Variants in KCNQ1OT1 observed in about 807,000 individuals in gnomAD.
KCNQ1OT1 encodes KCNQ1 opposite strand/antisense transcript 1.
chr11:2,644,860 G>T (rs1302384170), exon 1 of KCNQ1OT1: 6 of 398,656 alleles, frequency 1.5e-5, no homozygotes, highest in Non-Finnish European at 2.7e-5. Flanking sequence ...TTAGGATGCA[G>T]TTGTTGGTGG....
exon 1 of KCNQ1OT1, chr11:2,618,025 GT>G: frequency 2.5e-6 from 1 of 398,520 alleles, no homozygotes; most frequent in East Asian, 3.6e-5. Flanking sequence ...CTGTGCAGAA[GT>G]TTTTTAGTTT....
exon 1 of KCNQ1OT1, chr11:2,610,505 A>G: frequency 2.5e-6 from 1 of 398,382 alleles, no homozygotes; most frequent in Non-Finnish European, 4.4e-6. Context: ...CTTACTCTAG[A>G]ACAGCTTTGC....
rs1849087506 is a variant in KCNQ1OT1 at position 2,617,553 on chromosome 11, A to G, written n.82442T>C. On this transcript the variant is annotated non_coding_transcript_exon_variant, in exon 1 of 1. Coordinates refer to ENST00000597346, the Ensembl canonical transcript of KCNQ1OT1. This position sits in a 1 kb window ranked among gnomAD's most constrained non-coding sequence, Gnocchi z 4.6. Reference sequence around the variant, plus strand: ...GCGCAGATATCTTTATGAGGTGGAGATTTCATTTTCTTTGGGAATATACCT... The same window carrying G: ...GCGCAGATATCTTTATGAGGTGGAGGTTTCATTTTCTTTGGGAATATACCT... 2.5e-6 allele frequency: 1 copy of G among 398,244 alleles called. No homozygotes were observed. The highest frequency in any genetic ancestry group is 3.6e-5 in the East Asian group (1 of 28,058). 24.7% of individuals were successfully genotyped at this position (398,244 alleles called of 1,614,324 possible). A position where few individuals can be genotyped will look rare whatever the true frequency, so the allele number is the denominator to read the frequency against.
exon 1 of KCNQ1OT1, chr11:2,656,119 C>A: frequency 2.5e-6 from 1 of 398,666 alleles, no homozygotes; most frequent in Non-Finnish European, 4.4e-6. Context: ...TACGTTCTAG[C>A]CTGTGCTCCA....
exon 1 of KCNQ1OT1, chr11:2,628,717 A>G (rs1849301835): frequency 5.0e-6 from 2 of 398,440 alleles, no homozygotes; most frequent in Non-Finnish European, 4.4e-6. Flanking sequence ...ACAAAAACCA[A>G]TGGCAAGGAG....
exon 1 of KCNQ1OT1, chr11:2,625,969 A>G (rs1047252685): frequency 7.5e-5 from 30 of 398,168 alleles, no homozygotes; most frequent in African/African-American, 2.9e-4. Flanking sequence ...TGATTTGCAA[A>G]TTTTTCTCCC....
exon 1 of KCNQ1OT1, chr11:2,667,921 T>C (rs149323226): frequency 0.012 from 4,942 of 398,662 alleles, 81 homozygotes; most frequent in Middle Eastern, 0.064. Context: ...CTGGGACCCA[T>C]GTGTGCAGCA....
At position 2,676,181 on chromosome 11, in the gene KCNQ1OT1, C is replaced by T; in HGVS notation, n.23814G>A. The T allele has an allele frequency of 7.5e-6, 3 of 398,622 alleles. No individual in the cohort carries two copies. In the Admixed American group the frequency reaches 1.3e-4, roughly 18 times the overall value. The allele number at this position is 398,622 out of a possible 1,614,324, so 24.7% of individuals were successfully genotyped here. ...TTCTACACTTTGCCTTTGACTTCTT[C>T]CATAGGTATGCCATACTTCTTTTTG... On this transcript the variant is annotated non_coding_transcript_exon_variant, in exon 1 of 1. Transcript: ENST00000597346. The surrounding 1 kb of genome is among the most constrained non-coding windows in gnomAD (Gnocchi z 4.2).
Position 2,695,846 on chromosome 11 carries a change from G to C in KCNQ1OT1, n.4149C>G. ...ATTTCTCTGATAACTGATTAGCTTGGGCAAATTTTCATCTGTTTGTTAACC... is the reference window on the plus strand; with the variant it reads ...ATTTCTCTGATAACTGATTAGCTTGCGCAAATTTTCATCTGTTTGTTAACC... On this transcript the variant is annotated non_coding_transcript_exon_variant, in exon 1 of 1. Transcript: ENST00000597346. This position sits in a 1 kb window ranked among gnomAD's most constrained non-coding sequence, Gnocchi z 5.2. 2.5e-6 allele frequency: 1 copy of C among 398,486 alleles called. No homozygotes were observed. The highest frequency in any genetic ancestry group is 4.4e-6 in the Non-Finnish European group (1 of 226,026). 24.7% of individuals were successfully genotyped at this position (398,486 alleles called of 1,614,324 possible).
chr11:2,620,922 T>G lies in KCNQ1OT1; in HGVS notation n.79073A>C. ...GATGGCATCCCATTATGGTTTGGTG[T>G]TTTTTTGTTGTTGTTGTTTTGTTTT... On this transcript the variant is annotated non_coding_transcript_exon_variant, in exon 1 of 1. Coordinates refer to ENST00000597346, the Ensembl canonical transcript of KCNQ1OT1. This position sits in a 1 kb window ranked among gnomAD's most constrained non-coding sequence, Gnocchi z 4.5. 2.6e-6 allele frequency: 1 copy of G among 386,700 alleles called. No homozygotes were observed. The highest frequency in any genetic ancestry group is 3.7e-5 in the East Asian group (1 of 27,212). 24.0% of individuals were successfully genotyped at this position (386,700 alleles called of 1,614,324 possible).
Position 2,682,807 on chromosome 11 carries a change from C to A in KCNQ1OT1, n.17188G>T, listed in dbSNP as rs1453929934. 3 of 398,490 alleles carry A rather than the reference C, an allele frequency of 7.5e-6. No homozygotes were observed. In the East Asian group the frequency reaches 1.1e-4, roughly 14 times the overall value. 24.7% of individuals were successfully genotyped at this position (398,490 alleles called of 1,614,324 possible). The stretch of plus-strand genomic sequence containing the variant: ...GGGCACCATGAAATGCAGTGACTTG[C>A]AGTGATCCTCCTGGGGCCTTGTATA... On this transcript the variant is annotated non_coding_transcript_exon_variant, in exon 1 of 1. Coordinates refer to ENST00000597346, the Ensembl canonical transcript of KCNQ1OT1. The surrounding 1 kb of genome is among the most constrained non-coding windows in gnomAD (Gnocchi z 5.8).
At position 2,645,635 on chromosome 11, in the gene KCNQ1OT1, T is replaced by C. The variant is rs1399370799; in HGVS notation, n.54360A>G. On this transcript the variant is annotated non_coding_transcript_exon_variant, in exon 1 of 1. Coordinates refer to ENST00000597346, the Ensembl canonical transcript of KCNQ1OT1. The surrounding 1 kb of genome is among the most constrained non-coding windows in gnomAD (Gnocchi z 5.8). ...CTATGGGCAGGGTCACCTTTCCTCA[T>C]GGCAGCCTTGCTTCGGAGGTAGCAG... 7.5e-6 allele frequency: 3 copies of C among 398,676 alleles called. No individual in the cohort carries two copies. 24.7% of individuals were successfully genotyped at this position (398,676 alleles called of 1,614,324 possible).
rs1849000672 is a variant in KCNQ1OT1 at position 2,612,717 on chromosome 11, T to C, written n.87278A>G. The stretch of plus-strand genomic sequence containing the variant: ...TAATACTTACTTTGAAATCGCGCCC[T>C]AACATTTGGGGCCCTTCAGAGATAA... On this transcript the variant is annotated non_coding_transcript_exon_variant, in exon 1 of 1. Coordinates refer to ENST00000597346, the Ensembl canonical transcript of KCNQ1OT1. The surrounding 1 kb of genome is among the most constrained non-coding windows in gnomAD (Gnocchi z 5.5). 1 of 398,606 alleles carries C rather than the reference T, an allele frequency of 2.5e-6. No homozygotes were observed. The highest frequency in any genetic ancestry group is 3.6e-5 in the East Asian group (1 of 28,060). 24.7% of individuals were successfully genotyped at this position (398,606 alleles called of 1,614,324 possible).
exon 1 of KCNQ1OT1, chr11:2,644,992 C>G: frequency 2.5e-6 from 1 of 398,630 alleles, no homozygotes; most frequent in Non-Finnish European, 4.4e-6. Context: ...TATGCTGGTA[C>G]CAGTGTTAGC....
In KCNQ1OT1 at chr11:2,617,907, T is replaced by C. The variant is rs1849094289; in HGVS notation, n.82088A>G. ...TCTATTTTCTTGTTATTGAGTTGTA[T>C]GCATTCCTTATAAATTTTGGATATT... On this transcript the variant is annotated non_coding_transcript_exon_variant, in exon 1 of 1. Transcript: ENST00000597346. The surrounding 1 kb of genome is among the most constrained non-coding windows in gnomAD (Gnocchi z 4.6). The C allele has an allele frequency of 2.5e-6, 1 of 398,610 alleles. No individual in the cohort carries two copies. The highest frequency in any genetic ancestry group is 4.4e-6 in the Non-Finnish European group (1 of 226,038). The allele number at this position is 398,610 out of a possible 1,614,324, so 24.7% of individuals were successfully genotyped here.
chr11:2,653,459 C>T lies in KCNQ1OT1; in HGVS notation n.46536G>A, dbSNP rs1849789093. On this transcript the variant is annotated non_coding_transcript_exon_variant, in exon 1 of 1. Transcript: ENST00000597346. This position sits in a 1 kb window ranked among gnomAD's most constrained non-coding sequence, Gnocchi z 5.3. The stretch of plus-strand genomic sequence containing the variant: ...CAAAAGGGACATTTTTTGGCTCACA[C>T]AGCTGGACCCAGCTGTTTCAGACAC... 1 of 397,660 alleles carries T rather than the reference C, an allele frequency of 2.5e-6. No individual in the cohort carries two copies. The highest frequency in any genetic ancestry group is 4.4e-6 in the Non-Finnish European group (1 of 225,944). The allele number at this position is 397,660 out of a possible 1,614,324, so 24.6% of individuals were successfully genotyped here.
rs2133866775 is a variant in KCNQ1OT1, at chr11:2,669,717, A to C, written n.30278T>G. ...TGTTAGGCATCCAGCCACATACCTG[A>C]CTCGGGGAAATGCCTGAAAATATTA... On this transcript the variant is annotated non_coding_transcript_exon_variant, in exon 1 of 1. Coordinates refer to ENST00000597346, the Ensembl canonical transcript of KCNQ1OT1. The surrounding 1 kb of genome is among the most constrained non-coding windows in gnomAD (Gnocchi z 5.6). 1 of 398,558 alleles carries C rather than the reference A, an allele frequency of 2.5e-6. No homozygotes were observed. Among genetic ancestry groups the C allele is most frequent in the Middle Eastern group, 6.3e-4 (1 of 1,590 alleles). The allele number at this position is 398,558 out of a possible 1,614,324, so 24.7% of individuals were successfully genotyped here. A position where few individuals can be genotyped will look rare whatever the true frequency, so the allele number is the denominator to read the frequency against.
Position 2,681,729 on chromosome 11 carries a change from TGGGCACTGATCACACACCA to T in KCNQ1OT1, n.18247_18265del, listed in dbSNP as rs946153895. On this transcript the variant is annotated non_coding_transcript_exon_variant, in exon 1 of 1. Transcript: ENST00000597346. ...GTGTCTGTTCCTCTATTCAGTATTGTGGGCACTGATCACACACCAGGGCACTGTGGGGGCCCTGGGACCT... is the reference window on the plus strand; with the variant it reads ...GTGTCTGTTCCTCTATTCAGTATTGTGGGCACTGTGGGGGCCCTGGGACCT... 4 of 398,182 alleles carry T rather than the reference TGGGCACTGATCACACACCA, an allele frequency of 1.0e-5. No homozygotes were observed. The Admixed American group carries it at 1.8e-4, about 18-fold the overall frequency. The allele number at this position is 398,182 out of a possible 1,614,324, so 24.7% of individuals were successfully genotyped here.
rs1850422108 is a variant in KCNQ1OT1, at chr11:2,682,853, G to A, written n.17142C>T. 2.5e-6 allele frequency: 1 copy of A among 398,492 alleles called. No homozygotes were observed. The allele number at this position is 398,492 out of a possible 1,614,324, so 24.7% of individuals were successfully genotyped here. Reference sequence around the variant, plus strand: ...GTATAGAAGAGACCATCTCAGTTTTGTAGACCAGGAAACTGAGGCTTGGGG... The same window carrying A: ...GTATAGAAGAGACCATCTCAGTTTTATAGACCAGGAAACTGAGGCTTGGGG... On this transcript the variant is annotated non_coding_transcript_exon_variant, in exon 1 of 1. Coordinates refer to ENST00000597346, the Ensembl canonical transcript of KCNQ1OT1. The surrounding 1 kb of genome is among the most constrained non-coding windows in gnomAD (Gnocchi z 5.8).
Sources: allele counts gnomAD v4.1 joint callset, GRCh38; gene constraint gnomAD v4.1.1; non-coding constraint Gnocchi (gnomAD v3.1); transcripts MANE v1.5; gene names NCBI Gene and HGNC (gene_info 2026-07-23, HGNC 2026-07-21).